Variants in WDR91 observed in about 807,000 individuals in gnomAD.
WDR91 encodes WD repeat-containing protein 91.
A neutral mutation model predicts 88.4 loss-of-function variants in WDR91; 52 were observed. The ratio of observed to expected loss-of-function variants is 0.59; its 90% CI spans 0.47 to 0.74. The LOEUF is 0.74. Among genes scored for constraint, WDR91 ranks in the 30% least tolerant of loss-of-function variants. The probability of loss-of-function intolerance (pLI) is 0.00; values close to 1 mark genes in which losing one functional copy is unlikely to be tolerated. For synonymous variants in WDR91, 362 were observed against 389.5 expected (o/e 0.93, Z 0.83); for missense variants, 824 against 954.5 (o/e 0.86, Z 1.80).
At position 135,204,395 on chromosome 7, in the gene WDR91, T is replaced by C; in HGVS notation, c.764A>G (p.Gln255Arg). 1 of 1,614,140 alleles carries C rather than the reference T, an allele frequency of 6.2e-7. No individual in the cohort carries two copies. Among genetic ancestry groups the C allele is most frequent in the South Asian group, 1.1e-5 (1 of 91,078 alleles). The change falls in exon 6 of 15, where the codon CAG (glutamine) becomes CGG (arginine). Residue 255 changes from glutamine to arginine, a missense_variant. Physicochemically the swap from Gln to Arg is conservative, Grantham distance 43. Coordinates refer to ENST00000354475, the MANE Select transcript of WDR91 (RefSeq NM_014149.4). Reference sequence around the variant, plus strand: ...GGACAGGAAGCCCACACGAGGTGACTGGGAGAGGGAGGCATTCCTTTGGCT... The same window carrying C: ...GGACAGGAAGCCCACACGAGGTGACCGGGAGAGGGAGGCATTCCTTTGGCT... ...VCSQRNASLS[Q>R]SPRVGFLSSL... is the part of the protein sequence containing the mutation.
chr7:135,195,086 T>C lies in WDR91; in HGVS notation c.1245-2A>G. The C allele has an allele frequency of 6.2e-7, 1 of 1,611,878 alleles. No homozygotes were observed. Among genetic ancestry groups the C allele is most frequent in the Non-Finnish European group, 8.5e-7 (1 of 1,179,178 alleles). ...ACTCTCCTCCCAGAGCAGTCCACTC[T>C]GAGATGAGAGAAAAGGGAGGCCTGT... On this transcript the variant is annotated splice_acceptor_variant, in intron 8 of 14. Coordinates refer to ENST00000354475, the MANE Select transcript of WDR91 (RefSeq NM_014149.4). LOFTEE classifies it high-confidence loss of function.
At chr7:135,193,491 G>T in intron 10 of WDR91, 87 bp downstream of exon 10, 1 of 1,610,568 alleles carries the variant, frequency 6.2e-7, no homozygotes. Flanking sequence ...CACAGGAGAT[G>T]GGGCATTAGG....
chr7:135,210,844 A>G (rs764388496), intron 1 of WDR91: 1 of 703,710 alleles, frequency 1.4e-6, no homozygotes. Context: ...TCGCAATGGA[A>G]AATCATTTTA....
In WDR91 at chr7:135,188,540, G is replaced by A; in HGVS notation, c.1774C>T (p.Gln592Ter). 6.2e-7 allele frequency: 1 copy of A among 1,613,056 alleles called. No individual in the cohort carries two copies. Among genetic ancestry groups the A allele is most frequent in the Non-Finnish European group, 8.5e-7 (1 of 1,179,782 alleles). Reference protein sequence around the residue: ...ADGVIRLFDMQQHECAMSWRA... With the variant: ...ADGVIRLFDM ...CAGCTCATCGCGCACTCATGCTGCT[G>A]CATGTCTGAGGCAATGAGACACGGC... The change falls in exon 13 of 15, where the codon CAG (glutamine) becomes TAG (stop). Residue 592 changes from glutamine (Q) to a stop codon, truncating the protein, a stop_gained. Coordinates refer to ENST00000354475, the MANE Select transcript of WDR91 (RefSeq NM_014149.4). LOFTEE classifies it high-confidence loss of function.
At chr7:135,201,862 T>A (rs1013896234) in intron 6 of WDR91, among the ~76,000 whole-genome samples, 1 of 152,198 alleles carries the variant, frequency 6.6e-6, no homozygotes, top group South Asian at 2.1e-4. Flanking sequence ...TGAGAGAGCA[T>A]CTGGAATTGT....
intron 9 of WDR91, 25 bp downstream of exon 9, chr7:135,194,909 G>A: frequency 6.2e-7 from 1 of 1,612,474 alleles, no homozygotes; most frequent in Non-Finnish European, 8.5e-7. Flanking sequence ...CAGCAAAGCG[G>A]GCCCCACAGG....
At chr7:135,201,244 T>C (rs1225563361) in intron 6 of WDR91, among the ~76,000 whole-genome samples, 1 of 151,820 alleles carries the variant, frequency 6.6e-6, no homozygotes, top group Non-Finnish European at 1.5e-5. Context: ...CTACAGGCTG[T>C]GTGAGCCAAG....
At chr7:135,193,736 C>G (rs1831262077) in intron 9 of WDR91, 64 bp from the exon 10 acceptor site, 15 of 1,446,944 alleles carry the variant, frequency 1.0e-5, no homozygotes, top group Non-Finnish European at 1.2e-5. Flanking sequence ...CAGGGAGGAT[C>G]TCCAGAGGGG....
chr7:135,207,892 G>A (rs570753163), intron 3 of WDR91, among the ~76,000 whole-genome samples: 4 of 152,294 alleles, frequency 2.6e-5, no homozygotes, highest in Admixed American at 1.3e-4. Context: ...TGACAGTTTC[G>A]ATTTCACTGG....
At position 135,210,860 on chromosome 7, in the gene WDR91, G is replaced by T. The variant is rs1027120273; in HGVS notation, c.123+520C>A. 10 of 703,548 alleles carry T rather than the reference G, an allele frequency of 1.4e-5. No individual in the cohort carries two copies. The African/African-American group carries it at 1.7e-4, about 12-fold the overall frequency. The allele number at this position is 703,548 out of a possible 1,614,324, so 43.6% of individuals were successfully genotyped here. A position where few individuals can be genotyped will look rare whatever the true frequency, so the allele number is the denominator to read the frequency against. On this transcript the variant is annotated intron_variant, in intron 1 of 14. Transcript: ENST00000354475. ...CGCAATGGAAAATCATTTTAGAGCA[G>T]GGGAAGTTTGGGTTTCTCTAATGTG...
At chr7:135,205,079 C>A (rs1831713890) in intron 5 of WDR91, among the ~76,000 whole-genome samples, 1 of 152,176 alleles carries the variant, frequency 6.6e-6, no homozygotes, top group African/African-American at 2.4e-5. Flanking sequence ...TCACTGTCTT[C>A]CTCACCTGTG....
Position 135,196,211 on chromosome 7 carries a change from C to T in WDR91, c.1177G>A (p.Glu393Lys), listed in dbSNP as rs200425658. ...AGPEGGGVRP[E>K]QPFIVLGQEE... is the part of the protein sequence containing the mutation. Reference sequence around the variant, plus strand: ...TGTCCCAGCACAATAAAGGGCTGCTCGGGGCGGACTCCTCCACCCTCAGGG... The same window carrying T: ...TGTCCCAGCACAATAAAGGGCTGCTTGGGGCGGACTCCTCCACCCTCAGGG... The change falls in exon 8 of 15, where the codon GAG becomes AAG. Residue 393 changes from glutamate (E) to lysine (K), a missense_variant. Coordinates refer to ENST00000354475, the MANE Select transcript of WDR91 (RefSeq NM_014149.4). The surrounding 1 kb of genome is among the most constrained non-coding windows in gnomAD (Gnocchi z 4.2). The T allele has an allele frequency of 5.5e-5, 88 of 1,610,734 alleles. No homozygotes were observed. Among genetic ancestry groups the T allele is most frequent in the Non-Finnish European group, 7.1e-5 (84 of 1,178,304 alleles).
intron 3 of WDR91, among the ~76,000 whole-genome samples, chr7:135,207,618 G>A (rs1831846076): frequency 1.3e-5 from 2 of 152,246 alleles, no homozygotes; most frequent in Admixed American, 6.5e-5. Context: ...CAATGAGGCA[G>A]AAAAGACCAG....
chr7:135,196,362 G>T lies in WDR91; in HGVS notation c.1051-25C>A. The T allele has an allele frequency of 6.7e-7, 1 of 1,493,566 alleles. No homozygotes were observed. Among genetic ancestry groups the T allele is most frequent in the Non-Finnish European group, 8.9e-7 (1 of 1,120,196 alleles). 92.5% of individuals were successfully genotyped at this position (1,493,566 alleles called of 1,614,324 possible). A position where few individuals can be genotyped will look rare whatever the true frequency, so the allele number is the denominator to read the frequency against. The stretch of plus-strand genomic sequence containing the variant: ...ACTGTCACAAGCAGGGTGGGGACAA[G>T]TCAGCCAGGAAAGGGTCCCCCACAC... On this transcript the variant is annotated intron_variant, in intron 7 of 14. Transcript: ENST00000354475. This position sits in a 1 kb window ranked among gnomAD's most constrained non-coding sequence, Gnocchi z 4.2.
chr7:135,186,879 G>A (rs1021416799), intron 14 of WDR91, 93 bp downstream of exon 14: 14 of 1,456,188 alleles, frequency 9.6e-6, no homozygotes, highest in Non-Finnish European at 1.1e-5. Context: ...GCTCGGGGTA[G>A]AGGGCCTCGC....
Position 135,204,280 on chromosome 7 carries a change from G to A in WDR91, c.879C>T (p.Ser293=). ...PQPQSSAKKE[S]FGGQGTKGKD... is the part of the protein sequence containing the mutation. Reference sequence around the variant, plus strand: ...GACTTGTGCTTACCTGACCACCGAAGGACTCTTTCTTGGCCGAGCTCTGAG... The same window carrying A: ...GACTTGTGCTTACCTGACCACCGAAAGACTCTTTCTTGGCCGAGCTCTGAG... Residue 293 remains serine, a synonymous_variant, in exon 6 of 15, where the codon TCC becomes TCT. Coordinates refer to ENST00000354475, the MANE Select transcript of WDR91 (RefSeq NM_014149.4). 3 of 1,614,070 alleles carry A rather than the reference G, an allele frequency of 1.9e-6. No homozygotes were observed. The South Asian group carries it at 3.3e-5, about 18-fold the overall frequency.
At chr7:135,200,457 T>C (rs965108315) in intron 6 of WDR91, among the ~76,000 whole-genome samples, 2 of 152,180 alleles carry the variant, frequency 1.3e-5, no homozygotes, top group Non-Finnish European at 2.9e-5. Context: ...ACAGAGAAGC[T>C]TGCACCCTTC....
At chr7:135,203,657 A>G (rs1831654096) in intron 6 of WDR91, among the ~76,000 whole-genome samples, 1 of 152,238 alleles carries the variant, frequency 6.6e-6, no homozygotes, top group South Asian at 2.1e-4. Flanking sequence ...CACTATTTTT[A>G]TATCACCAAA....
At position 135,196,069 on chromosome 7, in the gene WDR91, G is replaced by A. The variant is rs1661849858; in HGVS notation, c.1244+75C>T. Reference sequence around the variant, plus strand: ...AAGCCCCCATTCTCCGCCATCTCCTGCTGGCCACACCTCCACGTGTACTGC... The same window carrying A: ...AAGCCCCCATTCTCCGCCATCTCCTACTGGCCACACCTCCACGTGTACTGC... On this transcript the variant is annotated intron_variant, in intron 8 of 14. Transcript: ENST00000354475. This position sits in a 1 kb window ranked among gnomAD's most constrained non-coding sequence, Gnocchi z 4.2. The A allele has an allele frequency of 7.2e-7, 1 of 1,382,714 alleles. No homozygotes were observed. Among genetic ancestry groups the A allele is most frequent in the Admixed American group, 2.6e-5 (1 of 37,758 alleles). 85.7% of individuals were successfully genotyped at this position (1,382,714 alleles called of 1,614,324 possible). A position where few individuals can be genotyped will look rare whatever the true frequency, so the allele number is the denominator to read the frequency against.
Sources: allele counts gnomAD v4.1 joint callset (sites outside exome capture counted in the v4.1 genomes callset), GRCh38; gene constraint gnomAD v4.1.1; non-coding constraint Gnocchi (gnomAD v3.1); transcripts MANE v1.5; gene names NCBI Gene and HGNC (gene_info 2026-07-23, HGNC 2026-07-21).